BAZ1A: variants seen among roughly 807,000 people sequenced by gnomAD.
BAZ1A encodes the protein bromodomain adjacent to zinc finger domain 1A, also known as bromodomain adjacent to zinc finger domain protein 1A.
In BAZ1A, 50 loss-of-function variants were observed where a neutral mutation model predicts 185.2. The ratio of observed to expected loss-of-function variants is 0.27; its 90% CI spans 0.22 to 0.34. The LOEUF (loss-of-function observed/expected upper bound fraction) is 0.34, where lower values mean the gene tolerates loss of function less well. Among genes scored for constraint, BAZ1A ranks in the 10% least tolerant of loss-of-function variants. BAZ1A has a pLI of 1.00. For synonymous variants in BAZ1A, 571 were observed against 615.6 expected (o/e 0.93, Z 1.07); for missense variants, 1,356 against 1,839.9 (o/e 0.74, Z 4.81).
chr14:34,819,063 C>T (rs766695929), intron 4 of BAZ1A, among the ~76,000 whole-genome samples: 6 of 143,580 alleles, frequency 4.2e-5, no homozygotes, highest in Non-Finnish European at 8.9e-5. Context: ...ATGGCATGAA[C>T]CCGGGAGGCG....
chr14:34,859,617 C>T (rs2042736584), intron 3 of BAZ1A, among the ~76,000 whole-genome samples: 1 of 152,066 alleles, frequency 6.6e-6, no homozygotes, highest in Non-Finnish European at 1.5e-5. Flanking sequence ...CTACTTAACT[C>T]TTAACTGAGC....
chr14:34,832,944 A>G (rs112322574), intron 3 of BAZ1A, among the ~76,000 whole-genome samples: 1,570 of 152,312 alleles, frequency 0.01, 28 homozygotes, highest in African/African-American at 0.036. Context: ...TGGATAAGCA[A>G]ACTGTGGTAT....
chr14:34,780,158 G>C, intron 17 of BAZ1A, 28 bp downstream of exon 17: 1 of 1,610,540 alleles, frequency 6.2e-7, no homozygotes, highest in East Asian at 2.2e-5. Flanking sequence ...AAATACACAA[G>C]AATGCCCTAA....
chr14:34,873,771 C>G (rs1270775603), intron 2 of BAZ1A, among the ~76,000 whole-genome samples: 3 of 32,202 alleles, frequency 9.3e-5, no homozygotes, highest in Non-Finnish European at 5.0e-4. Flanking sequence ...CTGAGTTCCC[C>G]GGAGACGAGT....
intron 4 of BAZ1A, among the ~76,000 whole-genome samples, chr14:34,824,284 G>C (rs1222431220): frequency 7.0e-6 from 1 of 143,684 alleles, no homozygotes; most frequent in Non-Finnish European, 1.5e-5. Flanking sequence ...TGAAGCAGGA[G>C]GACTGCCTAA....
intron 2 of BAZ1A, among the ~76,000 whole-genome samples, chr14:34,872,774 A>C (rs1331864382): frequency 6.6e-6 from 1 of 152,038 alleles, no homozygotes; most frequent in Non-Finnish European, 1.5e-5. Context: ...TACCCTCTAA[A>C]AGTGAGAAAA....
At chr14:34,768,613 C>T (rs1187682368) in intron 21 of BAZ1A, 2 of 295,176 alleles carry the variant, frequency 6.8e-6, no homozygotes, top group Non-Finnish European at 1.3e-5. Context: ...ATGCAAATCA[C>T]TATTCAGCCA....
At position 34,807,767 on chromosome 14, in the gene BAZ1A, A is replaced by G. The variant is rs554989518; in HGVS notation, c.639-229T>C. 2.6e-5 allele frequency among the ~76,000 whole-genome samples: 4 copies of G among 152,322 alleles called. No individual in the cohort carries two copies. In the South Asian group the frequency reaches 8.3e-4, roughly 32 times the overall value. ...GTGAATCTATTATAAAAAGTCTATT[A>G]CAAAAACAGCAATATGCATTTGTTG... On this transcript the variant is annotated intron_variant, in intron 5 of 26. Coordinates refer to ENST00000360310, the MANE Select transcript of BAZ1A (RefSeq NM_013448.3).
At chr14:34,852,888 G>A (rs2042618715) in intron 3 of BAZ1A, among the ~76,000 whole-genome samples, 1 of 152,108 alleles carries the variant, frequency 6.6e-6, no homozygotes, top group Non-Finnish European at 1.5e-5. Flanking sequence ...TGAAAGAAAT[G>A]ATTTTGTAAA....
chr14:34,765,484 TAAATC>T (rs1878779708), intron 21 of BAZ1A, among the ~76,000 whole-genome samples: 2 of 152,252 alleles, frequency 1.3e-5, no homozygotes, highest in Non-Finnish European at 2.9e-5. Flanking sequence ...CTTAAATTCA[TAAATC>T]AAATGCTAAG....
rs1880414662 is a variant in BAZ1A, at chr14:34,786,017, A to T, written c.1607-16T>A. 1 of 1,609,242 alleles carries T rather than the reference A, an allele frequency of 6.2e-7. No homozygotes were observed. The highest frequency in any genetic ancestry group is 8.5e-7 in the Non-Finnish European group (1 of 1,176,878). Reference sequence around the variant, plus strand: ...AAACTGCAGCCTATAGTTGTTAAAAATGAAATAGTCATTTAGAATATAAAC... The same window carrying T: ...AAACTGCAGCCTATAGTTGTTAAAATTGAAATAGTCATTTAGAATATAAAC... On this transcript the variant is annotated splice_polypyrimidine_tract_variant and intron_variant, in intron 13 of 26. Coordinates refer to ENST00000360310, the MANE Select transcript of BAZ1A (RefSeq NM_013448.3).
At chr14:34,823,126 G>C (rs2042111601) in intron 4 of BAZ1A, among the ~76,000 whole-genome samples, 2 of 152,140 alleles carry the variant, frequency 1.3e-5, no homozygotes, top group African/African-American at 4.8e-5. Context: ...GGCTGATATG[G>C]GTAGATCAAC....
chr14:34,805,502 A>G (rs901329796), intron 6 of BAZ1A, among the ~76,000 whole-genome samples: 2 of 152,218 alleles, frequency 1.3e-5, no homozygotes, highest in Non-Finnish European at 2.9e-5. Flanking sequence ...TGTTTACAAT[A>G]TACATATACA....
chr14:34,863,768 C>T (rs1490892402), intron 2 of BAZ1A, among the ~76,000 whole-genome samples: 1 of 152,112 alleles, frequency 6.6e-6, no homozygotes, highest in Non-Finnish European at 1.5e-5. Context: ...AAGATATTCC[C>T]TATGGAGAAA....
At chr14:34,872,929 A>C (rs943816651) in intron 2 of BAZ1A, among the ~76,000 whole-genome samples, 1 of 147,390 alleles carries the variant, frequency 6.8e-6, no homozygotes, top group Non-Finnish European at 1.5e-5. Context: ...AAAAAAAAAA[A>C]AAAAAAAAAA....
At chr14:34,759,184 T>TTTTTTTGTTTTTTTG (rs1555336968) in intron 24 of BAZ1A, among the ~76,000 whole-genome samples, 1 of 108,028 alleles carries the variant, frequency 9.3e-6, no homozygotes, top group African/African-American at 3.9e-5. Flanking sequence ...TTTTTTTTTT[T>TTTTTTTGTTTTTTTG]TTTTTTTTTT....
rs1182961515 is a variant in BAZ1A at position 34,801,085 on chromosome 14, A to G, written c.961+9T>C. On this transcript the variant is annotated intron_variant, in intron 8 of 26. Coordinates refer to ENST00000360310, the MANE Select transcript of BAZ1A (RefSeq NM_013448.3). ...CTAATTAGCTTTTGGAAACAATGTT[A>G]AAACTCACCCAGTGACTTCATTTCT... 1.3e-6 allele frequency: 2 copies of G among 1,570,004 alleles called. No homozygotes were observed. Among genetic ancestry groups the G allele is most frequent in the East Asian group, 2.3e-5 (1 of 43,986 alleles).
At position 34,761,743 on chromosome 14, in the gene BAZ1A, A is replaced by G; in HGVS notation, c.4243+14T>C. The G allele has an allele frequency of 6.3e-7, 1 of 1,582,272 alleles. No individual in the cohort carries two copies. Among genetic ancestry groups the G allele is most frequent in the Non-Finnish European group, 8.6e-7 (1 of 1,158,902 alleles). ...AATTTTCCTAGGGAAGGAAGAGTTT[A>G]GATTTCTTCATACCTGGAGATTGTC... is the stretch of plus-strand genomic sequence containing the variant. On this transcript the variant is annotated intron_variant, in intron 24 of 26. Transcript: ENST00000360310.
At chr14:34,824,751 A>G (rs1393463589) in intron 4 of BAZ1A, among the ~76,000 whole-genome samples, 1 of 152,200 alleles carries the variant, frequency 6.6e-6, no homozygotes, top group Admixed American at 6.6e-5. Context: ...GTATTTCAGG[A>G]GCAAAGTAAT....
Sources: gnomAD v4.1 joint callset for allele counts (sites outside exome capture counted in the v4.1 genomes callset) on GRCh38, gnomAD v4.1.1 for gene constraint, MANE v1.5 for transcripts, NCBI Gene and HGNC (gene_info 2026-07-23, HGNC 2026-07-21) for gene names.